The following ANTXR1 variants were observed in gnomAD, a reference collection of about 807,000 sequenced individuals.
ANTXR1 encodes the protein ANTXR cell adhesion molecule 1, also known as anthrax toxin receptor 1.
ANTXR1 carries 19 observed loss-of-function variants against 78.1 expected under a neutral mutation model. The ratio of observed to expected loss-of-function variants is 0.24; its 90% CI spans 0.17 to 0.36. The LOEUF is 0.36. Ranked by LOEUF, ANTXR1 falls within the 10% of genes least tolerant of loss-of-function variation. ANTXR1 has a pLI of 1.00. For missense variants in ANTXR1, 518 were observed against 718.6 expected, an observed-to-expected ratio of 0.72 and a Z score of 3.19; for synonymous variants, 273 against 260.5, an observed-to-expected ratio of 1.05 and a Z score of -0.46.
intron 16 of ANTXR1, among the ~76,000 whole-genome samples, chr2:69,192,836 A>C (rs1674572985): frequency 6.6e-6 from 1 of 152,160 alleles, no homozygotes; most frequent in Non-Finnish European, 1.5e-5. Context: ...ATAGCTGCTG[A>C]GCAAGCCTAG....
Position 69,248,344 on chromosome 2 carries a change from G to A in ANTXR1, c.*2859G>A, listed in dbSNP as rs535658277. On this transcript the variant is annotated 3_prime_UTR_variant, in exon 18 of 18. Coordinates refer to ENST00000303714, the MANE Select transcript of ANTXR1 (RefSeq NM_032208.3). ...TATTATAAAGCCGATGATATTTCAT[G>A]GCAGGTTATTCTACCAAGCTGTGCT... 6.1e-6 allele frequency: 1 copy of A among 165,142 alleles called. No homozygotes were observed. Among genetic ancestry groups the A allele is most frequent in the East Asian group, 1.9e-4 (1 of 5,194 alleles). 10.2% of individuals were successfully genotyped at this position (165,142 alleles called of 1,614,324 possible).
intron 17 of ANTXR1, among the ~76,000 whole-genome samples, chr2:69,214,062 C>T (rs1675117343): frequency 6.6e-6 from 1 of 152,272 alleles, no homozygotes; most frequent in African/African-American, 2.4e-5. Context: ...GCAGCGCCTC[C>T]ACACTGAGTC....
chr2:69,134,931 G>T, intron 12 of ANTXR1: 2 of 305,932 alleles, frequency 6.5e-6, no homozygotes, highest in East Asian at 8.2e-5. Context: ...ATAACTCAAG[G>T]TATTTTTTTT....
At chr2:69,137,943 G>A (rs1334504937) in intron 12 of ANTXR1, among the ~76,000 whole-genome samples, 3 of 152,060 alleles carry the variant, frequency 2.0e-5, no homozygotes, top group South Asian at 4.1e-4. Flanking sequence ...AATTAGCCAG[G>A]TGTGGTAGCG....
intron 17 of ANTXR1, among the ~76,000 whole-genome samples, chr2:69,204,544 T>C (rs1674850700): frequency 6.6e-6 from 1 of 152,130 alleles, no homozygotes; most frequent in African/African-American, 2.4e-5. Flanking sequence ...CTCTTTTTAA[T>C]ATAGGAAAGA....
intron 12 of ANTXR1, among the ~76,000 whole-genome samples, chr2:69,132,187 A>G (rs1434449382): frequency 2.6e-5 from 4 of 152,244 alleles, no homozygotes; most frequent in Admixed American, 2.0e-4. Context: ...AGATTACAGC[A>G]GTTCAGCTAA....
chr2:69,159,124 G>A (rs1673609300), intron 13 of ANTXR1, among the ~76,000 whole-genome samples: 1 of 152,164 alleles, frequency 6.6e-6, no homozygotes, highest in South Asian at 2.1e-4. Context: ...TTACATGTAT[G>A]TTATATGCAA....
chr2:69,197,423 A>G (rs1210548625), intron 17 of ANTXR1, among the ~76,000 whole-genome samples: 1 of 152,142 alleles, frequency 6.6e-6, no homozygotes, highest in Admixed American at 6.5e-5. Context: ...CTTACCCCAG[A>G]TTCCTTCATC....
Position 69,073,013 on chromosome 2 carries a change from G to T in ANTXR1, c.413-9G>T. On this transcript the variant is annotated splice_polypyrimidine_tract_variant and intron_variant, in intron 5 of 17. Coordinates refer to ENST00000303714, the MANE Select transcript of ANTXR1 (RefSeq NM_032208.3). Reference sequence around the variant, plus strand: ...GGTGGACTGAGCCAGTCTGTATTGTGTTAAACAGGGTACAGGACAGCCAGC... The same window carrying T: ...GGTGGACTGAGCCAGTCTGTATTGTTTTAAACAGGGTACAGGACAGCCAGC... 6.2e-7 allele frequency: 1 copy of T among 1,613,896 alleles called. No individual in the cohort carries two copies. Among genetic ancestry groups the T allele is most frequent in the South Asian group, 1.1e-5 (1 of 91,082 alleles).
At chr2:69,191,504 G>T (rs1439966669) in intron 16 of ANTXR1, among the ~76,000 whole-genome samples, 3 of 152,128 alleles carry the variant, frequency 2.0e-5, no homozygotes, top group African/African-American at 7.2e-5. Context: ...CGTTCCTAAG[G>T]CTTGGGTAGG....
At chr2:69,126,581 T>G (rs1672547493) in intron 12 of ANTXR1, among the ~76,000 whole-genome samples, 1 of 151,970 alleles carries the variant, frequency 6.6e-6, no homozygotes, top group African/African-American at 2.4e-5. Context: ...GGATCTGTAT[T>G]TCTCATTATG....
chr2:69,027,310 G>A (rs1024810767), intron 1 of ANTXR1, among the ~76,000 whole-genome samples: 5 of 152,200 alleles, frequency 3.3e-5, no homozygotes, highest in African/African-American at 1.2e-4. Flanking sequence ...AAACGGCAGA[G>A]TTTTGTGTTT....
chr2:69,073,287 C>A (rs1434791723), intron 6 of ANTXR1, among the ~76,000 whole-genome samples, 186 bp downstream of exon 6: 3 of 152,150 alleles, frequency 2.0e-5, no homozygotes, highest in Non-Finnish European at 4.4e-5. Context: ...ATGTTTTACA[C>A]ATGGTAAATG....
chr2:69,123,692 G>A (rs79226524), intron 11 of ANTXR1, among the ~76,000 whole-genome samples: 1,549 of 152,290 alleles, frequency 0.01, 29 homozygotes, highest in African/African-American at 0.035. Context: ...ATCTCATGGT[G>A]ATGCAATTAT....
At chr2:69,207,345 A>G (rs1234839864) in intron 17 of ANTXR1, among the ~76,000 whole-genome samples, 2 of 152,180 alleles carry the variant, frequency 1.3e-5, no homozygotes, top group Non-Finnish European at 2.9e-5. Context: ...TTGTAAAACC[A>G]TGGCACAAAC....
intron 10 of ANTXR1, among the ~76,000 whole-genome samples, chr2:69,106,945 A>G (rs1203992995): frequency 1.3e-5 from 2 of 152,254 alleles, no homozygotes; most frequent in Admixed American, 6.5e-5. Flanking sequence ...AACAGATCAT[A>G]GGGGAAAGAA....
chr2:69,144,658 A>C (rs1673171151), intron 12 of ANTXR1, among the ~76,000 whole-genome samples: 1 of 152,222 alleles, frequency 6.6e-6, no homozygotes, highest in African/African-American at 2.4e-5. Context: ...AGAGAAAGCT[A>C]ATATCTCTTC....
intron 3 of ANTXR1, among the ~76,000 whole-genome samples, chr2:69,048,983 G>GT (rs1044916555): frequency 6.6e-6 from 1 of 152,032 alleles, no homozygotes; most frequent in African/African-American, 2.4e-5. Flanking sequence ...GTACGATTTT[G>GT]TTTTTTTCTT....
chr2:69,151,185 TC>T (rs1297526105), intron 12 of ANTXR1, among the ~76,000 whole-genome samples: 1 of 140,672 alleles, frequency 7.1e-6, no homozygotes, highest in African/African-American at 2.6e-5. Context: ...CTGATTATTT[TC>T]TTTTTTTTTT....
Sources: allele counts gnomAD v4.1 joint callset (sites outside exome capture counted in the v4.1 genomes callset), GRCh38; gene constraint gnomAD v4.1.1; transcripts MANE v1.5; gene names NCBI Gene and HGNC (gene_info 2026-07-23, HGNC 2026-07-21).